SLC36A1: variants seen among roughly 807,000 people sequenced by gnomAD.
SLC36A1 encodes the protein proton-coupled amino acid transporter 1.
SLC36A1 carries 30 observed loss-of-function variants against 47.5 expected under a neutral mutation model. The observed-to-expected ratio is 0.63, with a 90% CI of 0.47 to 0.86. The LOEUF (loss-of-function observed/expected upper bound fraction) is 0.86. Ranked by LOEUF, SLC36A1 falls within the 40% of genes least tolerant of loss-of-function variation. The pLI is 0.00. For missense variants in SLC36A1, 517 were observed against 606.0 expected (o/e 0.85, Z 1.54); for synonymous variants, 255 against 249.7 (o/e 1.02, Z -0.20).
At chr5:151,512,889 C>A in the SLC36A1 span, 1 of 443,320 alleles carries the variant, frequency 2.3e-6, no homozygotes, top group Non-Finnish European at 4.1e-6. This position sits in a 1 kb window ranked among gnomAD's most constrained non-coding sequence, Gnocchi z 4.1. Context: ...CTGATCAAGA[C>A]CCTGTATTTT....
chr5:151,366,789 C>T, the SLC36A1 span: 2 of 152,762 alleles, frequency 1.3e-5, no homozygotes, highest in African/African-American at 4.8e-5. Context: ...TTCTATTTTC[C>T]ATAAGTGTCA....
the SLC36A1 span, among the ~76,000 whole-genome samples, chr5:151,501,351 G>T: frequency 6.6e-6 from 1 of 151,022 alleles, no homozygotes; most frequent in African/African-American, 2.5e-5. Context: ...TGCCCAGCTG[G>T]ATTGGGAACT....
chr5:151,348,089 A>G, the SLC36A1 span, among the ~76,000 whole-genome samples: 12 of 152,254 alleles, frequency 7.9e-5, 1 homozygote, highest in South Asian at 2.3e-3. Flanking sequence ...GCAGCACCCC[A>G]TTCTTAAATT....
the SLC36A1 span, among the ~76,000 whole-genome samples, chr5:151,364,374 G>A: frequency 6.6e-6 from 1 of 152,108 alleles, no homozygotes; most frequent in Non-Finnish European, 1.5e-5. Flanking sequence ...AACTGTATAT[G>A]TTTCCCTTTT....
At chr5:151,423,020 G>A in the SLC36A1 span, among the ~76,000 whole-genome samples, 2,885 of 152,232 alleles carry the variant, frequency 0.019, 93 homozygotes, top group African/African-American at 0.066. Flanking sequence ...TGGCAAATAA[G>A]CATATGAAAA....
chr5:151,348,522 G>A, the SLC36A1 span, among the ~76,000 whole-genome samples: 1 of 152,202 alleles, frequency 6.6e-6, no homozygotes, highest in Admixed American at 6.5e-5. Flanking sequence ...TAATGTCACT[G>A]CTAACTGGTA....
At chr5:151,440,354 C>A (rs1015141272) in intron 1 of SLC36A1, among the ~76,000 whole-genome samples, 1 of 152,202 alleles carries the variant, frequency 6.6e-6, no homozygotes, top group South Asian at 2.1e-4. Context: ...TTTTAAGATA[C>A]AAAACCTGAG....
chr5:151,360,984 G>A, the SLC36A1 span, among the ~76,000 whole-genome samples: 903 of 152,110 alleles, frequency 5.9e-3, 9 homozygotes, highest in African/African-American at 0.021. Context: ...TTCCTTGATT[G>A]GCTCTGTTGT....
the SLC36A1 span, among the ~76,000 whole-genome samples, chr5:151,522,393 T>G: frequency 2.0e-5 from 3 of 152,230 alleles, no homozygotes; most frequent in Non-Finnish European, 4.4e-5. Flanking sequence ...AGCCATAGAC[T>G]TGGGCTAACT....
At chr5:151,440,372 G>A (rs35773483) in intron 1 of SLC36A1, among the ~76,000 whole-genome samples, 7 of 152,020 alleles carry the variant, frequency 4.6e-5, no homozygotes, top group Admixed American at 3.3e-4. Flanking sequence ...GAGAATTTTA[G>A]AGTTAGAAGC....
At chr5:151,480,063 A>G (rs1758604840) in intron 10 of SLC36A1, 2 of 1,496,752 alleles carry the variant, frequency 1.3e-6, no homozygotes, top group Non-Finnish European at 8.9e-7. Flanking sequence ...CCAGGAGTGT[A>G]AGTTAAAAGA....
the SLC36A1 span, among the ~76,000 whole-genome samples, chr5:151,553,641 T>A: frequency 6.6e-6 from 1 of 152,246 alleles, no homozygotes; most frequent in Non-Finnish European, 1.5e-5. Flanking sequence ...TAAATGCCAC[T>A]GTTAACTGAA....
At chr5:151,399,738 A>G in the SLC36A1 span, among the ~76,000 whole-genome samples, 1 of 152,198 alleles carries the variant, frequency 6.6e-6, no homozygotes, top group African/African-American at 2.4e-5. Context: ...CAGATGAATA[A>G]AATGAGACCC....
At chr5:151,525,906 T>C in the SLC36A1 span, 3 of 1,614,204 alleles carry the variant, frequency 1.9e-6, no homozygotes, top group South Asian at 3.3e-5. Flanking sequence ...GGCCATTCTC[T>C]GGAGAATCTG....
At chr5:151,389,124 C>T in the SLC36A1 span, among the ~76,000 whole-genome samples, 5 of 152,264 alleles carry the variant, frequency 3.3e-5, no homozygotes, top group South Asian at 6.2e-4. Flanking sequence ...ATTTCAGGTC[C>T]GGTGGTTCTA....
chr5:151,446,651 A>G (rs2127444619), upstream of SLC36A1, among the ~76,000 whole-genome samples: 1 of 152,316 alleles, frequency 6.6e-6, no homozygotes, highest in African/African-American at 2.4e-5. Context: ...TATGATTTCA[A>G]TCTTCTTAAA....
In SLC36A1 at chr5:151,470,188, T is replaced by G. The variant is rs150074497; in HGVS notation, c.723+2263T>G. Among the ~76,000 whole-genome samples the G allele has an allele frequency of 8.5e-5, 13 of 152,300 alleles. No homozygotes were observed. In the East Asian group the frequency reaches 2.3e-3, roughly 27 times the overall value. ...GGAAGGGTAAATATTTACCCATGATTTCATGTTGTAATTAGAACTCTCAAG... is the reference window on the plus strand; with the variant it reads ...GGAAGGGTAAATATTTACCCATGATGTCATGTTGTAATTAGAACTCTCAAG... On this transcript the variant is annotated intron_variant, in intron 7 of 10. Coordinates refer to ENST00000243389, the MANE Select transcript of SLC36A1 (RefSeq NM_078483.4).
Position 151,488,019 on chromosome 5 carries a change from T to A in SLC36A1, c.1196T>A (p.Val399Asp). ...ATCCTCATCCCCCGCCTGGACCTGGTCATCTCCCTGGTGGGCTCCGTGAGC... is the reference window on the plus strand; with the variant it reads ...ATCCTCATCCCCCGCCTGGACCTGGACATCTCCCTGGTGGGCTCCGTGAGC... ...LAILIPRLDLVISLVGSVSSS... is the reference protein window; with the variant it reads ...LAILIPRLDLDISLVGSVSSS... The change falls in exon 11 of 11, where the codon GTC (valine) becomes GAC (aspartate). Residue 399 changes from valine to aspartate, a missense_variant. Coordinates refer to ENST00000243389, the MANE Select transcript of SLC36A1 (RefSeq NM_078483.4). 1.2e-6 allele frequency: 2 copies of A among 1,614,098 alleles called. No individual in the cohort carries two copies. The highest frequency in any genetic ancestry group is 1.7e-6 in the Non-Finnish European group (2 of 1,179,998).
the SLC36A1 span, among the ~76,000 whole-genome samples, chr5:151,373,930 G>A: frequency 2.0e-5 from 3 of 152,150 alleles, no homozygotes; most frequent in African/African-American, 7.2e-5. Context: ...TGCTCTAAAA[G>A]AGATTTGATT....
Sources: gnomAD v4.1 joint callset for allele counts (sites outside exome capture counted in the v4.1 genomes callset) on GRCh38, gnomAD v4.1.1 for gene constraint, Gnocchi (gnomAD v3.1) non-coding constraint, MANE v1.5 for transcripts, NCBI Gene and HGNC (gene_info 2026-07-23, HGNC 2026-07-21) for gene names.